Variants in LPAR1 observed in about 807,000 individuals in gnomAD.
LPAR1 encodes the protein lysophosphatidic acid receptor 1, also known as LPA receptor 1.
Under a neutral mutation model 23.8 loss-of-function variants are expected in LPAR1, and 5 were observed. That is an observed-to-expected ratio of 0.21 (90% confidence interval 0.11 to 0.44). The LOEUF is 0.44. Ranked by LOEUF, LPAR1 falls within the 20% of genes least tolerant of loss-of-function variation. The pLI is 0.99. For missense variants in LPAR1, 311 were observed against 482.8 expected, an observed-to-expected ratio of 0.64 and a Z score of 3.33; for synonymous variants, 160 against 164.7, an observed-to-expected ratio of 0.97 and a Z score of 0.22.
At chr9:110,932,082 T>G (rs535406964) in intron 5 of LPAR1, among the ~76,000 whole-genome samples, 1 of 152,334 alleles carries the variant, frequency 6.6e-6, no homozygotes, top group East Asian at 1.9e-4. Flanking sequence ...AACGACCTTA[T>G]GGCAAATATC....
chr9:110,934,998 A>G (rs768192072), intron 5 of LPAR1, among the ~76,000 whole-genome samples: 2 of 152,212 alleles, frequency 1.3e-5, no homozygotes, highest in Non-Finnish European at 2.9e-5. Context: ...ATAATGTACA[A>G]GCGATTCAGT....
chr9:110,983,614 C>T (rs1159857285), intron 2 of LPAR1, among the ~76,000 whole-genome samples: 1 of 151,868 alleles, frequency 6.6e-6, no homozygotes, highest in Non-Finnish European at 1.5e-5. Context: ...CTGAACTGTA[C>T]ATTTAAATGG....
intron 5 of LPAR1, among the ~76,000 whole-genome samples, chr9:110,900,060 T>A (rs1406205151): frequency 6.6e-6 from 1 of 152,236 alleles, no homozygotes; most frequent in Non-Finnish European, 1.5e-5. Flanking sequence ...TTTGTATTCG[T>A]TTTCTATTTC....
chr9:110,895,641 T>C (rs2086064374), intron 5 of LPAR1, among the ~76,000 whole-genome samples: 1 of 152,076 alleles, frequency 6.6e-6, no homozygotes, highest in South Asian at 2.1e-4. Context: ...GGAGGGTCTG[T>C]TGGAGACTTA....
intron 5 of LPAR1, among the ~76,000 whole-genome samples, chr9:110,912,262 C>G (rs1002005097): frequency 6.6e-6 from 1 of 152,210 alleles, no homozygotes; most frequent in African/African-American, 2.4e-5. Context: ...ATCGAGGTGA[C>G]TAGAAGTACT....
intron 4 of LPAR1, among the ~76,000 whole-genome samples, chr9:110,971,261 T>C (rs2096410592): frequency 6.6e-6 from 1 of 152,238 alleles, no homozygotes; most frequent in Non-Finnish European, 1.5e-5. Flanking sequence ...AGCACCTCTG[T>C]ATGCCTCATG....
At chr9:110,979,854 T>C (rs1305187561) in intron 2 of LPAR1, among the ~76,000 whole-genome samples, 1 of 152,096 alleles carries the variant, frequency 6.6e-6, no homozygotes, top group Non-Finnish European at 1.5e-5. Context: ...GGCATAATTG[T>C]GAAGGGAAAT....
intron 5 of LPAR1, among the ~76,000 whole-genome samples, chr9:110,939,125 C>T (rs986330267): frequency 1.3e-5 from 2 of 152,132 alleles, no homozygotes; most frequent in Non-Finnish European, 2.9e-5. Context: ...AAGACCAACC[C>T]ATGTCTCCCA....
intron 2 of LPAR1, among the ~76,000 whole-genome samples, chr9:110,984,154 A>C (rs1033903607): frequency 6.6e-6 from 1 of 151,944 alleles, no homozygotes; most frequent in Admixed American, 6.6e-5. Context: ...CTATTATAAA[A>C]TGTACAATAA....
At chr9:110,991,579 T>TTGTTGTTG (rs2096894500) in intron 2 of LPAR1, among the ~76,000 whole-genome samples, 4 of 72,934 alleles carry the variant, frequency 5.5e-5, no homozygotes, top group African/African-American at 1.9e-4. Flanking sequence ...TCTGGTTTGT[T>TTGTTGTTG]TTGTTGTTGT....
chr9:110,949,393 C>T (rs975439572), intron 4 of LPAR1, among the ~76,000 whole-genome samples: 6 of 152,146 alleles, frequency 3.9e-5, no homozygotes, highest in African/African-American at 1.4e-4. Context: ...CTCCCTTTTC[C>T]ACTTCTATTG....
intron 4 of LPAR1, among the ~76,000 whole-genome samples, chr9:110,964,066 G>C (rs1303257294): frequency 6.6e-6 from 1 of 152,204 alleles, no homozygotes; most frequent in Non-Finnish European, 1.5e-5. Context: ...CCTTATTTCA[G>C]AGACTCATAA....
At chr9:110,905,984 T>A (rs966557167) in intron 5 of LPAR1, among the ~76,000 whole-genome samples, 3 of 152,224 alleles carry the variant, frequency 2.0e-5, no homozygotes, top group African/African-American at 7.2e-5. Context: ...ACACGTGACA[T>A]GTAATAAGCT....
chr9:111,005,852 C>G (rs1237343586), intron 2 of LPAR1, among the ~76,000 whole-genome samples: 1 of 152,202 alleles, frequency 6.6e-6, no homozygotes. Flanking sequence ...TCCTTAATCA[C>G]TGCCACACAC....
intron 5 of LPAR1, among the ~76,000 whole-genome samples, chr9:110,890,277 GAGA>G (rs2083698875): frequency 6.6e-6 from 1 of 152,086 alleles, no homozygotes; most frequent in East Asian, 1.9e-4. Context: ...AAAAAACATA[GAGA>G]ATATAATCGT....
chr9:110,952,181 G>C (rs1303590550), intron 4 of LPAR1, among the ~76,000 whole-genome samples: 1 of 152,170 alleles, frequency 6.6e-6, no homozygotes, highest in Non-Finnish European at 1.5e-5. Flanking sequence ...AAGGCAGCCT[G>C]CTGTTCTGGG....
intron 5 of LPAR1, among the ~76,000 whole-genome samples, chr9:110,905,431 C>T (rs771965602): frequency 9.2e-5 from 14 of 151,574 alleles, no homozygotes; most frequent in Non-Finnish European, 5.9e-5. Context: ...CTGCAACCTC[C>T]GTCACCCAGG....
intron 5 of LPAR1, among the ~76,000 whole-genome samples, chr9:110,923,269 T>C: frequency 6.6e-6 from 1 of 152,248 alleles, no homozygotes; most frequent in East Asian, 1.9e-4. Context: ...CAAGTACTTA[T>C]AAACTTGGCA....
chr9:110,988,960 AAAAG>A (rs377547866), intron 2 of LPAR1, among the ~76,000 whole-genome samples: 15 of 152,314 alleles, frequency 9.8e-5, no homozygotes, highest in African/African-American at 2.6e-4. Flanking sequence ...CAGCAACAAA[AAAAG>A]AAAGAAAGAT....
Sources: gnomAD v4.1 joint callset for allele counts (sites outside exome capture counted in the v4.1 genomes callset) on GRCh38, gnomAD v4.1.1 for gene constraint, MANE v1.5 for transcripts, NCBI Gene and HGNC (gene_info 2026-07-23, HGNC 2026-07-21) for gene names.